The following STARD8 variants were observed in gnomAD, a reference collection of about 807,000 sequenced individuals.
STARD8 encodes the protein stAR-related lipid transfer protein 8.
STARD8 carries 25 observed loss-of-function variants against 69.4 expected under a neutral mutation model. That is an observed-to-expected ratio of 0.36 (90% CI 0.26 to 0.50). The LOEUF (loss-of-function observed/expected upper bound fraction) is 0.50. Among genes scored for constraint, STARD8 ranks in the 20% least tolerant of loss-of-function variants. The pLI is 0.96. For missense variants in STARD8, 921 were observed against 932.5 expected, an observed-to-expected ratio of 0.99 and a Z score of 0.16; for synonymous variants, 389 against 374.6, an observed-to-expected ratio of 1.04 and a Z score of -0.45.
At chrX:68,705,744 C>T (rs1181409935) in intron 2 of STARD8, among the ~76,000 whole-genome samples, 1 of 112,626 alleles carries the variant, frequency 8.9e-6, no homozygotes, top group African/African-American at 3.2e-5. Flanking sequence ...TGTTTAGCAA[C>T]ATCCCTGGCC....
At position 68,720,434 on chromosome X, in the gene STARD8, G is replaced by A. The variant is rs972863071; in HGVS notation, c.2049+11G>A. 8.6e-6 allele frequency: 10 copies of A among 1,160,864 alleles called. No individual in the cohort carries two copies. Among genetic ancestry groups the A allele is most frequent in the South Asian group, 2.0e-5 (1 of 49,228 alleles). ...CAGTGCCTGGACCAAGTGAGCCCTC[G>A]TGGGGCAGCCTGCCGGGAGATGGTG... On this transcript the variant is annotated intron_variant, in intron 8 of 14. Coordinates refer to ENST00000374599, the MANE Select transcript of STARD8 (RefSeq NM_001142503.3).
In STARD8 at chrX:68,697,633, CT is replaced by C. The variant is rs1387007692; in HGVS notation, c.80-15278del. Among the ~76,000 whole-genome samples, 18 of 112,583 alleles carry C rather than the reference CT, an allele frequency of 1.6e-4. No homozygotes were observed. In the East Asian group the frequency reaches 5.1e-3, roughly 32 times the overall value. ...AACAGGATGCATTCAGGATGAACGT[CT>C]TTCCCAGCTTGTCATCTAATCACCA... On this transcript the variant is annotated intron_variant, in intron 2 of 14. Coordinates refer to ENST00000374599, the MANE Select transcript of STARD8 (RefSeq NM_001142503.3).
rs747990976 is a variant in STARD8 at position 68,725,523 on chromosome X, A to G, written c.*1101A>G. 2.5e-4 allele frequency: 26 copies of G among 104,847 alleles called. No homozygotes were observed. The highest frequency in any genetic ancestry group is 9.3e-4 in the African/African-American group (26 of 27,960). The allele number at this position is 104,847 out of a possible 1,213,427, so 8.6% of individuals were successfully genotyped here. A position where few individuals can be genotyped will look rare whatever the true frequency, so the allele number is the denominator to read the frequency against. ...AACCACCACTGTAATTTTCAAGCCTATTTTATTTGTACCTGTAAATACTGT... is the reference window on the plus strand; with the variant it reads ...AACCACCACTGTAATTTTCAAGCCTGTTTTATTTGTACCTGTAAATACTGT... On this transcript the variant is annotated 3_prime_UTR_variant, in exon 15 of 15. Coordinates refer to ENST00000374599, the MANE Select transcript of STARD8 (RefSeq NM_001142503.3).
chrX:68,668,484 G>A (rs1015241932), intron 2 of STARD8, among the ~76,000 whole-genome samples: 2 of 109,018 alleles, frequency 1.8e-5, no homozygotes, highest in African/African-American at 3.3e-5. Flanking sequence ...GCATCGCCAC[G>A]CCCAGCTCAT....
chrX:68,665,392 C>A, intron 1 of STARD8, 107 bp from the exon 2 acceptor site: 1 of 914,375 alleles, frequency 1.1e-6, no homozygotes, highest in Non-Finnish European at 1.5e-6. Flanking sequence ...ATGTGTCTTT[C>A]TGTAAAATGG....
chrX:68,690,436 C>CG lies in STARD8; in HGVS notation c.80-22472dup, dbSNP rs969719041. Among the ~76,000 whole-genome samples the CG allele has an allele frequency of 1.5e-4, 15 of 101,624 alleles. 1 individual carries two copies. Among genetic ancestry groups the CG allele is most frequent in the African/African-American group, 5.9e-4 (15 of 25,520 alleles). 88.2% of individuals were successfully genotyped at this position (101,624 alleles called of 115,157 possible). A position where few individuals can be genotyped will look rare whatever the true frequency, so the allele number is the denominator to read the frequency against. ...AACTCCCATTCCCAGGCAGGCAGGG[C>CG]GGGGGGACTGTTGGGAGTCCTCAGG... On this transcript the variant is annotated intron_variant, in intron 2 of 14. Coordinates refer to ENST00000374599, the MANE Select transcript of STARD8 (RefSeq NM_001142503.3).
chrX:68,718,560 G>A lies in STARD8; in HGVS notation c.1646G>A (p.Gly549Glu), dbSNP rs1422005854. The change falls in exon 6 of 15, where the codon GGA (glycine) becomes GAA (glutamate). Residue 549 changes from glycine (G) to glutamate (E), a missense_variant. Transcript: ENST00000374599. ...GCTGAGGCTGCGGGGCCCCTGGCTG[G>A]ACTCCAGGCATCAATGCCCCGTGAA... ...NEAEAAGPLAGLQASMPRERR... is the reference protein window; with the variant it reads ...NEAEAAGPLAELQASMPRERR... 1 of 1,210,640 alleles carries A rather than the reference G, an allele frequency of 8.3e-7. No individual in the cohort carries two copies. Among genetic ancestry groups the A allele is most frequent in the African/African-American group, 1.7e-5 (1 of 57,500 alleles).
At chrX:68,688,462 G>A (rs1236957413) in intron 2 of STARD8, among the ~76,000 whole-genome samples, 3 of 110,058 alleles carry the variant, frequency 2.7e-5, no homozygotes, top group Non-Finnish European at 5.7e-5. Context: ...CGCCACGTCT[G>A]GTGGCAGTGT....
chrX:68,723,989 C>G lies in STARD8; in HGVS notation c.3062C>G (p.Ser1021Cys), dbSNP rs1299589470. 12 of 1,210,695 alleles carry G rather than the reference C, an allele frequency of 9.9e-6. No individual in the cohort carries two copies. Among genetic ancestry groups the G allele is most frequent in the African/African-American group, 1.7e-5 (1 of 57,355 alleles). Residue 1021 changes from serine to cysteine, a missense_variant, in exon 14 of 15, where the codon TCC becomes TGC. Coordinates refer to ENST00000374599, the MANE Select transcript of STARD8 (RefSeq NM_001142503.3). ...DLPRGGCLLV[S>C]QSLDPEQPVP... is the part of the protein sequence containing the mutation. ...CCTCGTGGGGGTTGCCTGCTTGTCTCCCAGTCCCTGGATCCGGAACAACCT... is the reference window on the plus strand; with the variant it reads ...CCTCGTGGGGGTTGCCTGCTTGTCTGCCAGTCCCTGGATCCGGAACAACCT...
chrX:68,693,890 C>T (rs2079897605), intron 2 of STARD8: 1 of 697,163 alleles, frequency 1.4e-6, no homozygotes, highest in South Asian at 7.4e-5. Flanking sequence ...GCTCCCTCTC[C>T]CCGCTTTGCC....
chrX:68,648,182 T>C (rs895026816), intron 1 of STARD8, among the ~76,000 whole-genome samples: 2 of 112,194 alleles, frequency 1.8e-5, no homozygotes, highest in African/African-American at 6.5e-5. Flanking sequence ...GCTTCCTGGA[T>C]CTTGCCACAA....
chrX:68,717,739 G>C lies in STARD8; in HGVS notation c.825G>C (p.Arg275=). Residue 275 remains arginine (R), a synonymous_variant, in exon 6 of 15, where the codon CGG becomes CGC. Transcript: ENST00000374599. ...TSAGGSGANT[R]KAWEAWPVAS... Reference sequence around the variant, plus strand: ...CCGGTGGCAGTGGTGCCAATACTCGGAAGGCCTGGGAGGCCTGGCCTGTGG... The same window carrying C: ...CCGGTGGCAGTGGTGCCAATACTCGCAAGGCCTGGGAGGCCTGGCCTGTGG... 3.3e-6 allele frequency: 4 copies of C among 1,212,070 alleles called. No homozygotes were observed. The highest frequency in any genetic ancestry group is 4.5e-6 in the Non-Finnish European group (4 of 895,577).
intron 2 of STARD8, among the ~76,000 whole-genome samples, chrX:68,668,101 C>CTTTCTTTCTTTCTTTCTTTCTTTCT (rs1556021512): frequency 1.0e-5 from 1 of 96,773 alleles, no homozygotes; most frequent in African/African-American, 4.0e-5. Flanking sequence ...TTCTTTCTTT[C>CTTTCTTTCTTTCTTTCTTTCTTTCT]TTTCTTTCTT....
chrX:68,677,608 A>G (rs1301372662), intron 2 of STARD8, among the ~76,000 whole-genome samples: 1 of 111,069 alleles, frequency 9.0e-6, no homozygotes, highest in East Asian at 2.8e-4. Flanking sequence ...CAGCTACTTG[A>G]CCTTCCTTTG....
rs1440949683 is a variant in STARD8 at position 68,703,155 on chromosome X, G to A, written c.80-9759G>A. Among the ~76,000 whole-genome samples, 6 of 111,878 alleles carry A rather than the reference G, an allele frequency of 5.4e-5. No homozygotes were observed. In the East Asian group the frequency reaches 1.7e-3, roughly 32 times the overall value. On this transcript the variant is annotated intron_variant, in intron 2 of 14. Coordinates refer to ENST00000374599, the MANE Select transcript of STARD8 (RefSeq NM_001142503.3). ...CACGCCTGTAGTCCCAGCTACTCTG[G>A]AGGCTGAGGTGGGAGGATTGCTTGA...
chrX:68,703,516 T>C (rs768540003), intron 2 of STARD8, among the ~76,000 whole-genome samples: 1 of 112,578 alleles, frequency 8.9e-6, no homozygotes, highest in South Asian at 3.6e-4. Flanking sequence ...CTGGCTCTCC[T>C]TGGGGCTGGG....
chrX:68,650,714 G>C (rs1460745569), intron 1 of STARD8, among the ~76,000 whole-genome samples: 2 of 109,947 alleles, frequency 1.8e-5, no homozygotes, highest in Non-Finnish European at 3.8e-5. Flanking sequence ...TGAGGCAGGA[G>C]GATGGCTGCA....
intron 2 of STARD8, among the ~76,000 whole-genome samples, chrX:68,690,329 A>G (rs1450327232): frequency 1.8e-5 from 2 of 110,910 alleles, no homozygotes; most frequent in Non-Finnish European, 3.8e-5. Flanking sequence ...AAAGAGTAGT[A>G]GAAGAGTCTA....
chrX:68,664,251 G>A (rs765403223), intron 1 of STARD8, among the ~76,000 whole-genome samples: 7 of 110,866 alleles, frequency 6.3e-5, no homozygotes, highest in Non-Finnish European at 1.3e-4. Context: ...ACTATTGAAT[G>A]AATGTCTCTA....
Sources: allele counts gnomAD v4.1 joint callset (sites outside exome capture counted in the v4.1 genomes callset), GRCh38; gene constraint gnomAD v4.1.1; transcripts MANE v1.5; gene names NCBI Gene and HGNC (gene_info 2026-07-23, HGNC 2026-07-21).